CCNK: variants seen among roughly 807,000 people sequenced by gnomAD.
The protein encoded by CCNK is cyclin K, also known as cyclin-K.
CCNK carries 9 observed loss-of-function variants against 65.0 expected under a neutral mutation model. That is an observed-to-expected ratio of 0.14 (90% CI 0.08 to 0.24). CCNK has a LOEUF of 0.24. CCNK is among the 10% of genes least tolerant of loss of function. The pLI is 1.00. For synonymous variants in CCNK, 279 were observed against 270.8 expected (o/e 1.03, Z -0.30); for missense variants, 474 against 720.0 (o/e 0.66, Z 3.91).
chr14:99,493,045 T>A, intron 2 of CCNK, 171 bp downstream of exon 2: 2 of 671,336 alleles, frequency 3.0e-6, no homozygotes, highest in Non-Finnish European at 4.7e-6. Context: ...GATTTGTCAT[T>A]TTAAAGGTGT....
chr14:99,483,183 A>G (rs544517298), intron 1 of CCNK, among the ~76,000 whole-genome samples: 1 of 152,280 alleles, frequency 6.6e-6, no homozygotes, highest in South Asian at 2.1e-4. Flanking sequence ...TCTTGTTGGA[A>G]GAGCCAACAA....
At chr14:99,481,632 C>A in intron 1 of CCNK, 153 bp downstream of exon 1, 1 of 390,440 alleles carries the variant, frequency 2.6e-6, no homozygotes, top group South Asian at 1.4e-4. Context: ...TTGAACTTTG[C>A]GGGCGACGCG....
chr14:99,490,818 C>G (rs1896581691), intron 1 of CCNK, among the ~76,000 whole-genome samples: 3 of 151,738 alleles, frequency 2.0e-5, no homozygotes, highest in Admixed American at 1.3e-4. Flanking sequence ...GTCCCAGCTA[C>G]TCGGGAGGCT....
chr14:99,495,589 T>C lies in CCNK; in HGVS notation c.371T>C (p.Leu124Ser), dbSNP rs1896684180. 1 of 1,612,178 alleles carries C rather than the reference T, an allele frequency of 6.2e-7. No individual in the cohort carries two copies. The highest frequency in any genetic ancestry group is 2.2e-5 in the East Asian group (1 of 44,818). Residue 124 changes from leucine (L) to serine (S), a missense_variant, in exon 4 of 11, where the codon TTA (leucine) becomes TCA (serine). Coordinates refer to ENST00000389879, the MANE Select transcript of CCNK (RefSeq NM_001099402.2). ...KDIIKTARSL[L>S]NDVQFGQFGD... is the part of the protein sequence containing the mutation. ...ATCATCAAAACAGCTCGTAGTTTAT[T>C]AAATGATGTACAATTTGGCCAGTTT...
Position 99,503,530 on chromosome 14 carries a change from C to T in CCNK, c.1012-81C>T. On this transcript the variant is annotated intron_variant, in intron 8 of 10. Transcript: ENST00000389879. ...TTCACAGTGACTGCCGTCGCTGATT[C>T]TGGTGGTACCTGGATAATCCATTTT... The T allele has an allele frequency of 3.2e-6, 4 of 1,240,000 alleles. No individual in the cohort carries two copies. In the South Asian group the frequency reaches 4.1e-5, roughly 13 times the overall value. 76.8% of individuals were successfully genotyped at this position (1,240,000 alleles called of 1,614,324 possible). A position where few individuals can be genotyped will look rare whatever the true frequency, so the allele number is the denominator to read the frequency against.
At chr14:99,484,699 A>G (rs925664432) in intron 1 of CCNK, among the ~76,000 whole-genome samples, 5 of 152,204 alleles carry the variant, frequency 3.3e-5, no homozygotes, top group Non-Finnish European at 5.9e-5. Flanking sequence ...TGTGAACACC[A>G]GTTATTGATA....
At chr14:99,496,469 G>GGGA (rs1896703540) in intron 4 of CCNK, among the ~76,000 whole-genome samples, 1 of 152,148 alleles carries the variant, frequency 6.6e-6, no homozygotes, top group Admixed American at 6.5e-5. Context: ...CCAGCACTTT[G>GGGA]GGAGGCTGAG....
At chr14:99,499,115 C>G (rs3918079) in intron 4 of CCNK, among the ~76,000 whole-genome samples, 85 of 152,358 alleles carry the variant, frequency 5.6e-4, no homozygotes, top group African/African-American at 1.8e-3. Flanking sequence ...TCTCAGCTCA[C>G]TGCAGCCTCT....
intron 7 of CCNK, 119 bp from the exon 8 acceptor site, chr14:99,502,600 G>A (rs1352523041): frequency 8.2e-7 from 1 of 1,221,476 alleles, no homozygotes; most frequent in African/African-American, 1.5e-5. Flanking sequence ...GATGGGGTGA[G>A]TTGTAAATGT....
chr14:99,510,819 A>G lies in CCNK; in HGVS notation c.*37A>G. ...TTTCCCTCTTTGTTTTTTTAACAAGATTTTCTAATCGACTTGCAGAGTAGT... is the reference window on the plus strand; with the variant it reads ...TTTCCCTCTTTGTTTTTTTAACAAGGTTTTCTAATCGACTTGCAGAGTAGT... On this transcript the variant is annotated 3_prime_UTR_variant, in exon 11 of 11. Coordinates refer to ENST00000389879, the MANE Select transcript of CCNK (RefSeq NM_001099402.2). 1 of 1,392,240 alleles carries G rather than the reference A, an allele frequency of 7.2e-7. No homozygotes were observed. The highest frequency in any genetic ancestry group is 9.3e-7 in the Non-Finnish European group (1 of 1,071,296). 86.2% of individuals were successfully genotyped at this position (1,392,240 alleles called of 1,614,324 possible).
At chr14:99,499,223 A>G (rs1189459245) in intron 4 of CCNK, among the ~76,000 whole-genome samples, 1 of 152,074 alleles carries the variant, frequency 6.6e-6, no homozygotes, top group African/African-American at 2.4e-5. Flanking sequence ...TTTTTGGTAG[A>G]GGTGGGGTTT....
chr14:99,498,695 GTATA>G (rs1896754045), intron 4 of CCNK, among the ~76,000 whole-genome samples: 7 of 152,266 alleles, frequency 4.6e-5, no homozygotes, highest in African/African-American at 1.7e-4. Context: ...AATCAAATGA[GTATA>G]TAACTATTTG....
chr14:99,493,117 T>TTGAG (rs747811195), intron 2 of CCNK: 28 of 498,956 alleles, frequency 5.6e-5, no homozygotes, highest in Non-Finnish European at 7.0e-6. Flanking sequence ...AGGATCACAG[T>TTGAG]TGAGGCTGGG....
At position 99,481,459 on chromosome 14, in the gene CCNK, G is replaced by C; in HGVS notation, c.-73G>C. On this transcript the variant is annotated 5_prime_UTR_variant, in exon 1 of 11. Coordinates refer to ENST00000389879, the MANE Select transcript of CCNK (RefSeq NM_001099402.2). Reference sequence around the variant, plus strand: ...AGTCGGCAAGGAGAGACGTCGCTGAGGGGCTTGCCTGAAGCGAGGGGTGAG... The same window carrying C: ...AGTCGGCAAGGAGAGACGTCGCTGACGGGCTTGCCTGAAGCGAGGGGTGAG... 5.0e-6 allele frequency: 2 copies of C among 398,710 alleles called. No homozygotes were observed. The highest frequency in any genetic ancestry group is 4.4e-6 in the Non-Finnish European group (1 of 226,096). 24.7% of individuals were successfully genotyped at this position (398,710 alleles called of 1,614,324 possible).
At chr14:99,503,730 T>G in intron 9 of CCNK, 86 bp downstream of exon 9, 1 of 1,213,426 alleles carries the variant, frequency 8.2e-7, no homozygotes, top group East Asian at 2.6e-5. Flanking sequence ...TCTTTTCAGA[T>G]CTAAATTGGC....
At chr14:99,493,657 G>A in intron 3 of CCNK, 62 bp downstream of exon 3, 2 of 1,129,948 alleles carry the variant, frequency 1.8e-6, no homozygotes, top group Non-Finnish European at 1.3e-6. Flanking sequence ...ACAGTTTGGT[G>A]GACTAATTAT....
chr14:99,496,869 C>T lies in CCNK; in HGVS notation c.411+1240C>T, dbSNP rs187269217. Reference sequence around the variant, plus strand: ...CAGAGGTTGCAGTGAGCCAAGATTGCGCTACTGCACTCCAGCCAGGACGAG... The same window carrying T: ...CAGAGGTTGCAGTGAGCCAAGATTGTGCTACTGCACTCCAGCCAGGACGAG... On this transcript the variant is annotated intron_variant, in intron 4 of 10. Coordinates refer to ENST00000389879, the MANE Select transcript of CCNK (RefSeq NM_001099402.2). Among the ~76,000 whole-genome samples the T allele has an allele frequency of 1.9e-3, 284 of 150,130 alleles. 1 individual carries two copies. The highest frequency in any genetic ancestry group is 6.4e-3 in the African/African-American group (260 of 40,740).
rs917791940 is a variant in CCNK, at chr14:99,512,309, G to A, written c.*1527G>A. ...TCTACAGAAAATAGACGTAGCTGCC[G>A]GGCCCGGGGACAGAAACCAGACGTT... is the stretch of plus-strand genomic sequence containing the variant. On this transcript the variant is annotated 3_prime_UTR_variant, in exon 11 of 11. Transcript: ENST00000389879. 11 of 152,122 alleles carry A rather than the reference G, an allele frequency of 7.2e-5. No homozygotes were observed. Among genetic ancestry groups the A allele is most frequent in the South Asian group, 2.1e-4 (1 of 4,808 alleles). The allele number at this position is 152,122 out of a possible 1,614,324, so 9.4% of individuals were successfully genotyped here.
intron 8 of CCNK, 139 bp downstream of exon 8, chr14:99,503,123 T>G (rs1268749621): frequency 1.0e-6 from 1 of 982,038 alleles, no homozygotes; most frequent in Non-Finnish European, 1.6e-6. Flanking sequence ...TCCGACTGCT[T>G]GTCGGTGGGG....
Sources: allele counts gnomAD v4.1 joint callset (sites outside exome capture counted in the v4.1 genomes callset), GRCh38; gene constraint gnomAD v4.1.1; transcripts MANE v1.5; gene names NCBI Gene and HGNC (gene_info 2026-07-23, HGNC 2026-07-21).